Variants in LYPLAL1 observed in about 807,000 individuals in gnomAD.
LYPLAL1 encodes lysophospholipase-like protein 1.
LYPLAL1 carries 23 observed loss-of-function variants against 19.7 expected under a neutral mutation model. That is an observed-to-expected ratio of 1.17 (90% CI 0.84 to 1.65). The LOEUF is 1.65. LYPLAL1 is among the 40% of genes most tolerant of loss of function. The pLI is 0.00. For synonymous variants in LYPLAL1, 119 were observed against 96.3 expected (o/e 1.24, Z -1.38); for missense variants, 355 against 279.4 (o/e 1.27, Z -1.93).
At chr1:219,342,302 T>TAG in the LYPLAL1 span, among the ~76,000 whole-genome samples, 1 of 152,118 alleles carries the variant, frequency 6.6e-6, no homozygotes, top group African/African-American at 2.4e-5. Flanking sequence ...AGGAGGGAGA[T>TAG]AGAGATAGTA....
chr1:219,325,558 C>G, the LYPLAL1 span, among the ~76,000 whole-genome samples: 1 of 152,138 alleles, frequency 6.6e-6, no homozygotes, highest in East Asian at 1.9e-4. Context: ...CTGAGAATTT[C>G]TAAGAGTTTC....
intron 3 of LYPLAL1, among the ~76,000 whole-genome samples, chr1:219,204,461 TTCTG>T (rs1426591029): frequency 6.6e-6 from 1 of 152,234 alleles, no homozygotes; most frequent in Non-Finnish European, 1.5e-5. Context: ...TCTAGTTTGT[TTCTG>T]TCTAAGACAG....
At chr1:219,293,943 T>A in the LYPLAL1 span, among the ~76,000 whole-genome samples, 16 of 152,304 alleles carry the variant, frequency 1.1e-4, no homozygotes, top group East Asian at 3.1e-3. Context: ...TCAGTCCCCA[T>A]GTGTCACATG....
the LYPLAL1 span, among the ~76,000 whole-genome samples, chr1:219,372,450 A>T: frequency 1.3e-5 from 2 of 152,038 alleles, no homozygotes; most frequent in African/African-American, 4.8e-5. Context: ...CTCGGCAAAA[A>T]ACTCTTAATT....
At chr1:219,178,927 T>G (rs1436367987) in intron 1 of LYPLAL1, among the ~76,000 whole-genome samples, 2 of 152,126 alleles carry the variant, frequency 1.3e-5, no homozygotes, top group African/African-American at 2.4e-5. Flanking sequence ...GAGTAATCAA[T>G]GGTGAAGCCA....
At chr1:219,273,196 A>G in the LYPLAL1 span, 8 of 152,358 alleles carry the variant, frequency 5.3e-5, no homozygotes, top group East Asian at 1.3e-3. Flanking sequence ...AAAGTTAAGT[A>G]ATTGCCTGGA....
the LYPLAL1 span, chr1:219,272,817 A>T: frequency 6.6e-6 from 1 of 152,036 alleles, no homozygotes; most frequent in Non-Finnish European, 1.5e-5. Flanking sequence ...TGCAGCAGTA[A>T]TAGAAACCCT....
At chr1:219,296,881 G>A in the LYPLAL1 span, among the ~76,000 whole-genome samples, 4 of 152,258 alleles carry the variant, frequency 2.6e-5, no homozygotes, top group East Asian at 3.9e-4. Context: ...AAAGTGCAAC[G>A]AATCAGAAGA....
chr1:219,249,446 A>C, the LYPLAL1 span, among the ~76,000 whole-genome samples: 1 of 151,908 alleles, frequency 6.6e-6, no homozygotes, highest in African/African-American at 2.4e-5. Flanking sequence ...ATTGATGTAC[A>C]TTTGAGTTGT....
chr1:219,370,440 A>C, the LYPLAL1 span, among the ~76,000 whole-genome samples: 2 of 152,146 alleles, frequency 1.3e-5, no homozygotes, highest in Non-Finnish European at 2.9e-5. Context: ...CTGCATTCCC[A>C]AAACCCAGAA....
At position 219,211,655 on chromosome 1, in the gene LYPLAL1, G is replaced by A; in HGVS notation, c.641G>A (p.Ser214Asn). Residue 214 changes from serine (S) to asparagine (N), a missense_variant, in exon 5 of 5, where the codon AGC becomes AAC. Transcript: ENST00000366928. ...TTTCCAAATGTTTACCATGAGCTAA[G>A]CAAAACTGAGTTAGACATATTGAAG... ...HSFPNVYHEL[S>N]KTELDILKLW... 3.1e-6 allele frequency: 5 copies of A among 1,613,278 alleles called. No individual in the cohort carries two copies. Among genetic ancestry groups the A allele is most frequent in the Non-Finnish European group, 4.2e-6 (5 of 1,179,532 alleles).
chr1:219,270,385 C>T, the LYPLAL1 span, among the ~76,000 whole-genome samples: 2 of 152,138 alleles, frequency 1.3e-5, no homozygotes, highest in Non-Finnish European at 2.9e-5. Context: ...TATGGATGAG[C>T]TTGAGGAGGT....
chr1:219,264,698 G>A, the LYPLAL1 span, among the ~76,000 whole-genome samples: 1 of 152,174 alleles, frequency 6.6e-6, no homozygotes, highest in African/African-American at 2.4e-5. Flanking sequence ...CAAAAGGTCA[G>A]TGTGTGAGCC....
the LYPLAL1 span, among the ~76,000 whole-genome samples, chr1:219,359,915 A>C: frequency 6.6e-6 from 1 of 152,096 alleles, no homozygotes; most frequent in African/African-American, 2.4e-5. Flanking sequence ...TATATAATGC[A>C]TAGAAAGGGA....
At chr1:219,278,018 C>T in the LYPLAL1 span, among the ~76,000 whole-genome samples, 4 of 152,132 alleles carry the variant, frequency 2.6e-5, no homozygotes, top group African/African-American at 9.7e-5. Flanking sequence ...AAGTTCAAAC[C>T]GATCACAATT....
the LYPLAL1 span, among the ~76,000 whole-genome samples, chr1:219,340,524 C>T: frequency 6.6e-6 from 1 of 151,892 alleles, no homozygotes; most frequent in Non-Finnish European, 1.5e-5. Context: ...ATGCTTATTC[C>T]AGCTCCTTCT....
chr1:219,428,241 C>T, the LYPLAL1 span, among the ~76,000 whole-genome samples: 1 of 152,320 alleles, frequency 6.6e-6, no homozygotes, highest in East Asian at 1.9e-4. Flanking sequence ...ATCAAAATGC[C>T]ATTTGCATAA....
the LYPLAL1 span, among the ~76,000 whole-genome samples, chr1:219,374,296 C>T: frequency 6.6e-6 from 1 of 152,062 alleles, no homozygotes; most frequent in African/African-American, 2.4e-5. Flanking sequence ...CAGCTACAAA[C>T]AAGCATTATT....
chr1:219,265,892 T>G, the LYPLAL1 span, among the ~76,000 whole-genome samples: 1 of 152,104 alleles, frequency 6.6e-6, no homozygotes, highest in Admixed American at 6.6e-5. Context: ...AAAAGTACAG[T>G]ATAATAACAT....
Sources: allele counts gnomAD v4.1 joint callset (sites outside exome capture counted in the v4.1 genomes callset), GRCh38; gene constraint gnomAD v4.1.1; transcripts MANE v1.5; gene names NCBI Gene and HGNC (gene_info 2026-07-23, HGNC 2026-07-21).